Variants in PPFIA2 observed in about 807,000 individuals in gnomAD.
PPFIA2 encodes the protein PPFI scaffold protein A2, also known as liprin-alpha-2.
In PPFIA2, 46 loss-of-function variants were observed where a neutral mutation model predicts 175.5. The ratio of observed to expected loss-of-function variants is 0.26; its 90% CI spans 0.21 to 0.34. The LOEUF (loss-of-function observed/expected upper bound fraction) is 0.34, where lower values mean the gene tolerates loss of function less well. Ranked by LOEUF, PPFIA2 falls within the 10% of genes least tolerant of loss-of-function variation. The pLI, the probability that PPFIA2 is intolerant of heterozygous loss-of-function variation, is 1.00. For synonymous variants in PPFIA2, 568 were observed against 511.4 expected (o/e 1.11, Z -1.49); for missense variants, 1,179 against 1,506.1 (o/e 0.78, Z 3.60).
chr12:81,543,035 C>T (rs1481494581), intron 4 of PPFIA2, among the ~76,000 whole-genome samples: 1 of 152,128 alleles, frequency 6.6e-6, no homozygotes, highest in Non-Finnish European at 1.5e-5. Context: ...CTCAGATTAA[C>T]TTGTGGCCTC....
chr12:81,310,298 G>A (rs1594550121), intron 22 of PPFIA2, among the ~76,000 whole-genome samples: 1 of 152,008 alleles, frequency 6.6e-6, no homozygotes, highest in Non-Finnish European at 1.5e-5. Flanking sequence ...ATCTTCCTAT[G>A]TCATCTTCAC....
Position 81,307,975 on chromosome 12 carries a change from A to G in PPFIA2, c.2643-8593T>C, listed in dbSNP as rs556927605. On this transcript the variant is annotated intron_variant, in intron 22 of 32. Coordinates refer to ENST00000549396, the MANE Select transcript of PPFIA2 (RefSeq NM_003625.5). ...CAGAACTCATGCTTTATTTTTTTCT[A>G]TTAAGATTCTAAGTCCTCTCCCAGG... Among the ~76,000 whole-genome samples the G allele has an allele frequency of 6.2e-3, 948 of 151,960 alleles. 5 individuals are homozygous for G. The highest frequency in any genetic ancestry group is 0.038 in the South Asian group (181 of 4,812).
intron 20 of PPFIA2, 44 bp downstream of exon 20, chr12:81,341,034 T>C (rs2057957581): frequency 2.6e-6 from 4 of 1,516,486 alleles, no homozygotes; most frequent in Non-Finnish European, 3.6e-6. Flanking sequence ...GGAATATTTT[T>C]GGAAGGAGGG....
intron 4 of PPFIA2, among the ~76,000 whole-genome samples, chr12:81,534,390 AAATGCC>A (rs1174040401): frequency 1.3e-5 from 2 of 151,714 alleles, no homozygotes; most frequent in Non-Finnish European, 1.5e-5. Context: ...TGGATATCCT[AAATGCC>A]CTGATTTTAT....
rs993034694 is a variant in PPFIA2, at chr12:81,528,200, C to T, written c.304-70334G>A. Among the ~76,000 whole-genome samples, 28 of 151,948 alleles carry T rather than the reference C, an allele frequency of 1.8e-4. 1 individual carries two copies. The highest frequency in any genetic ancestry group is 6.8e-4 in the African/African-American group (28 of 41,380). On this transcript the variant is annotated intron_variant, in intron 4 of 32. Coordinates refer to ENST00000549396, the MANE Select transcript of PPFIA2 (RefSeq NM_003625.5). ...TTGATCAAGTGAGCAAAAATTAGGG[C>T]AGTCACCAACAATAGACAGAGGATC...
At chr12:81,672,989 G>C (rs1334049875) in intron 4 of PPFIA2, among the ~76,000 whole-genome samples, 1 of 151,910 alleles carries the variant, frequency 6.6e-6, no homozygotes, top group African/African-American at 2.4e-5. Flanking sequence ...AAATTGCAAA[G>C]AGAAACACCT....
intron 8 of PPFIA2, among the ~76,000 whole-genome samples, chr12:81,393,319 T>C (rs2040498038): frequency 6.6e-6 from 1 of 152,102 alleles, no homozygotes; most frequent in Non-Finnish European, 1.5e-5. Flanking sequence ...TTTTTTTCTT[T>C]AGAGAAAGTC....
intron 3 of PPFIA2, among the ~76,000 whole-genome samples, chr12:81,688,491 C>A (rs1454386600): frequency 6.6e-6 from 1 of 151,606 alleles, no homozygotes; most frequent in Admixed American, 6.6e-5. Context: ...CTTCTCCTAT[C>A]TGACACAAAA....
In PPFIA2 at chr12:81,474,097, G is replaced by A. The variant is rs577913461; in HGVS notation, c.304-16231C>T. Reference sequence around the variant, plus strand: ...GGAAAAAATGTTTAACACCAAGGTAGGAAAATATTCTCAACATTTCCTTCG... The same window carrying A: ...GGAAAAAATGTTTAACACCAAGGTAAGAAAATATTCTCAACATTTCCTTCG... On this transcript the variant is annotated intron_variant, in intron 4 of 32. Coordinates refer to ENST00000549396, the MANE Select transcript of PPFIA2 (RefSeq NM_003625.5). Among the ~76,000 whole-genome samples, 17 of 152,116 alleles carry A rather than the reference G, an allele frequency of 1.1e-4. No homozygotes were observed. The East Asian group carries it at 1.5e-3, about 14-fold the overall frequency.
intron 3 of PPFIA2, among the ~76,000 whole-genome samples, chr12:81,724,397 A>G (rs1443353604): frequency 6.6e-6 from 1 of 150,876 alleles, no homozygotes; most frequent in East Asian, 1.9e-4. Flanking sequence ...TTCATGGTGA[A>G]GTCTGTGCTT....
chr12:81,493,474 G>A (rs2059633273), intron 4 of PPFIA2, among the ~76,000 whole-genome samples: 1 of 151,904 alleles, frequency 6.6e-6, no homozygotes, highest in African/African-American at 2.4e-5. Context: ...CATGTTACAA[G>A]GAGGAAGTTA....
At chr12:81,522,162 T>TGAATTTTGC (rs1375834398) in intron 4 of PPFIA2, among the ~76,000 whole-genome samples, 1 of 152,208 alleles carries the variant, frequency 6.6e-6, no homozygotes, top group Non-Finnish European at 1.5e-5. Context: ...TTATGCAAGA[T>TGAATTTTGC]ATTTAAAGCT....
At chr12:81,755,485 G>C (rs2084497216) in intron 2 of PPFIA2, among the ~76,000 whole-genome samples, 2 of 152,028 alleles carry the variant, frequency 1.3e-5, no homozygotes, top group Non-Finnish European at 2.9e-5. Context: ...TCCTGTCCTT[G>C]GGGAAAATAT....
chr12:81,335,788 T>C (rs2057029310), intron 21 of PPFIA2, among the ~76,000 whole-genome samples: 1 of 150,970 alleles, frequency 6.6e-6, no homozygotes, highest in African/African-American at 2.4e-5. Flanking sequence ...AAAAAGACAA[T>C]GAACAAAAAT....
At chr12:81,337,158 C>T (rs1051693314) in intron 21 of PPFIA2, among the ~76,000 whole-genome samples, 2 of 152,184 alleles carry the variant, frequency 1.3e-5, no homozygotes, top group Admixed American at 6.6e-5. Context: ...TCAGTAAAGA[C>T]TTTGTTCTTT....
chr12:81,536,654 T>A (rs964941416), intron 4 of PPFIA2, among the ~76,000 whole-genome samples: 1 of 148,590 alleles, frequency 6.7e-6, no homozygotes, highest in Non-Finnish European at 1.5e-5. Flanking sequence ...AATATATTTA[T>A]TGAGTTTATT....
At chr12:81,755,928 T>A (rs2084581936) in intron 2 of PPFIA2, among the ~76,000 whole-genome samples, 1 of 152,146 alleles carries the variant, frequency 6.6e-6, no homozygotes, top group African/African-American at 2.4e-5. Flanking sequence ...TTTCTTGCAT[T>A]TATCTCAATT....
intron 4 of PPFIA2, among the ~76,000 whole-genome samples, chr12:81,574,617 C>T (rs1184373816): frequency 2.0e-5 from 3 of 151,488 alleles, no homozygotes; most frequent in South Asian, 2.1e-4. Context: ...CAGAATACCC[C>T]ATGACTTTTC....
intron 4 of PPFIA2, among the ~76,000 whole-genome samples, chr12:81,592,438 T>G (rs1000651751): frequency 3.9e-5 from 6 of 152,126 alleles, no homozygotes; most frequent in Non-Finnish European, 8.8e-5. Context: ...TATGGTTTGA[T>G]TCTGTCCCCA....
Sources: allele counts gnomAD v4.1 joint callset (sites outside exome capture counted in the v4.1 genomes callset), GRCh38; gene constraint gnomAD v4.1.1; transcripts MANE v1.5; gene names NCBI Gene and HGNC (gene_info 2026-07-23, HGNC 2026-07-21).